PARVA: variants seen among roughly 807,000 people sequenced by gnomAD.
PARVA encodes parvin alpha.
In PARVA, 25 loss-of-function variants were observed where a neutral mutation model predicts 52.6. That is an observed-to-expected ratio of 0.48 (90% CI 0.35 to 0.66). PARVA has a LOEUF of 0.66. Among genes scored for constraint, PARVA ranks in the 30% least tolerant of loss-of-function variants. The pLI, the probability that PARVA is intolerant of heterozygous loss-of-function variation, is 0.01. For missense variants in PARVA, 373 were observed against 450.9 expected, an observed-to-expected ratio of 0.83 and a Z score of 1.56; for synonymous variants, 185 against 179.1, an observed-to-expected ratio of 1.03 and a Z score of -0.26.
At chr11:12,377,989 G>A (rs1939427719) in intron 1 of PARVA, among the ~76,000 whole-genome samples, 1 of 148,280 alleles carries the variant, frequency 6.7e-6, no homozygotes, top group African/African-American at 2.4e-5. Context: ...GGGCCATCGA[G>A]GCCACCCCGC....
At position 12,533,808 on chromosome 11, in the gene PARVA, CGGAGGA is replaced by C. The variant is rs1554904930; in HGVS notation, c.*5903_*5908del. 3.3e-5 allele frequency among the ~76,000 whole-genome samples: 5 copies of C among 150,164 alleles called. No homozygotes were observed. Among genetic ancestry groups the C allele is most frequent in the South Asian group, 2.1e-4 (1 of 4,698 alleles). ...CCTCATGGTCATCACATTGAGTAGG[CGGAGGA>C]GGAGGAGGAGGAGGAGGAGTAGGGG... On this transcript the variant is annotated 3_prime_UTR_variant, in exon 13 of 13. Coordinates refer to ENST00000334956, the MANE Select transcript of PARVA (RefSeq NM_018222.5).
intron 1 of PARVA, among the ~76,000 whole-genome samples, chr11:12,378,128 G>C (rs147243337): frequency 6.6e-6 from 1 of 151,720 alleles, no homozygotes; most frequent in Non-Finnish European, 1.5e-5. Context: ...GCCCCAGCCC[G>C]CAGACAGTGC....
chr11:12,497,308 G>C (rs891660265), intron 5 of PARVA, among the ~76,000 whole-genome samples: 2 of 152,138 alleles, frequency 1.3e-5, no homozygotes, highest in Admixed American at 6.5e-5. Context: ...TATTGTAATA[G>C]ATAAAAATAT....
At chr11:12,447,488 A>G (rs1240832184) in intron 1 of PARVA, among the ~76,000 whole-genome samples, 1 of 152,172 alleles carries the variant, frequency 6.6e-6, no homozygotes, top group Non-Finnish European at 1.5e-5. Context: ...CCCAGTCAGT[A>G]TGGGTGCATT....
intron 4 of PARVA, among the ~76,000 whole-genome samples, chr11:12,490,528 A>AAAG (rs1564860865): frequency 6.7e-6 from 1 of 149,376 alleles, no homozygotes. Flanking sequence ...AAAAAAAAAA[A>AAAG]AGAGAGAGAG....
intron 1 of PARVA, among the ~76,000 whole-genome samples, chr11:12,409,920 C>T (rs1359277834): frequency 6.6e-6 from 1 of 152,240 alleles, no homozygotes; most frequent in East Asian, 1.9e-4. Context: ...TTCTTGAGTT[C>T]ACTGCCTATT....
At chr11:12,467,111 A>G (rs1233643549) in intron 1 of PARVA, among the ~76,000 whole-genome samples, 2 of 152,176 alleles carry the variant, frequency 1.3e-5, no homozygotes, top group Admixed American at 1.3e-4. Flanking sequence ...ATACCCAAGT[A>G]TTGCATTTTT....
rs182564642 is a variant in PARVA at position 12,424,879 on chromosome 11, A to G, written c.136+47096A>G. Among the ~76,000 whole-genome samples the G allele has an allele frequency of 2.7e-3, 407 of 152,192 alleles. 2 individuals are homozygous for G. The highest frequency in any genetic ancestry group is 0.014 in the Middle Eastern group (4 of 294). ...TTTGAACTACCCTAATCATTTCCCTATGTGCTAGCTCTGTCTTTGTAGGAT... is the reference window on the plus strand; with the variant it reads ...TTTGAACTACCCTAATCATTTCCCTGTGTGCTAGCTCTGTCTTTGTAGGAT... On this transcript the variant is annotated intron_variant, in intron 1 of 12. Coordinates refer to ENST00000334956, the MANE Select transcript of PARVA (RefSeq NM_018222.5).
intron 1 of PARVA, among the ~76,000 whole-genome samples, chr11:12,416,355 G>A (rs778614109): frequency 5.3e-5 from 8 of 152,134 alleles, no homozygotes; most frequent in Non-Finnish European, 1.0e-4. Flanking sequence ...TGTCCCTAGC[G>A]GTAGAACAGC....
At chr11:12,428,617 A>G (rs1369342822) in intron 1 of PARVA, among the ~76,000 whole-genome samples, 1 of 152,182 alleles carries the variant, frequency 6.6e-6, no homozygotes, top group South Asian at 2.1e-4. Context: ...TGGCATTACC[A>G]TCATCTCCAT....
At chr11:12,517,303 A>ACCCC (rs1564869136) in intron 10 of PARVA, among the ~76,000 whole-genome samples, 1 of 112,484 alleles carries the variant, frequency 8.9e-6, no homozygotes, top group Non-Finnish European at 1.8e-5. Context: ...AGCCACACTG[A>ACCCC]CCACCCCCCA....
chr11:12,436,533 A>C (rs998595420), intron 1 of PARVA, among the ~76,000 whole-genome samples: 1 of 152,192 alleles, frequency 6.6e-6, no homozygotes, highest in Non-Finnish European at 1.5e-5. Flanking sequence ...TGCCTGTATA[A>C]AGTGAGTAAT....
At chr11:12,484,504 GGTGTGTGT>G (rs35501237) in intron 4 of PARVA, among the ~76,000 whole-genome samples, 7,815 of 144,616 alleles carry the variant, frequency 0.054, 235 homozygotes, top group Middle Eastern at 0.1. Context: ...GTTTTGTTTT[GGTGTGTGT>G]GTGTGTGTGT....
At chr11:12,516,820 T>G (rs7932845) in intron 10 of PARVA, among the ~76,000 whole-genome samples, 19,155 of 152,198 alleles carry the variant, frequency 0.13, 1,347 homozygotes, top group Admixed American at 0.21. Context: ...ACCATCCCTG[T>G]TTTACAGATA....
chr11:12,415,004 C>T (rs958240940), intron 1 of PARVA, among the ~76,000 whole-genome samples: 1 of 152,188 alleles, frequency 6.6e-6, no homozygotes, highest in Non-Finnish European at 1.5e-5. Flanking sequence ...GTGGACCTAG[C>T]GTCGGCTGTC....
At chr11:12,499,199 C>A (rs1941335985) in intron 5 of PARVA, among the ~76,000 whole-genome samples, 1 of 152,154 alleles carries the variant, frequency 6.6e-6, no homozygotes, top group Admixed American at 6.5e-5. Flanking sequence ...GTGGCTAGCT[C>A]CCTGTGATGC....
chr11:12,376,698 CAGA>C (rs1939393823), upstream of PARVA: 8 of 982,540 alleles, frequency 8.1e-6, no homozygotes, highest in Non-Finnish European at 9.7e-6. Context: ...GAGAGACAGA[CAGA>C]AGGACAAAGA....
At chr11:12,508,902 G>C (rs1371794288) in intron 7 of PARVA, among the ~76,000 whole-genome samples, 1 of 152,030 alleles carries the variant, frequency 6.6e-6, no homozygotes, top group South Asian at 2.1e-4. Flanking sequence ...CCAGGAAAAA[G>C]TGTGCCCAAA....
At chr11:12,432,939 A>G (rs890605373) in intron 1 of PARVA, among the ~76,000 whole-genome samples, 5 of 152,222 alleles carry the variant, frequency 3.3e-5, no homozygotes, top group African/African-American at 1.2e-4. Flanking sequence ...TAGCCGTGGT[A>G]CTGAAAGATG....
Sources: gnomAD v4.1 joint callset for allele counts (sites outside exome capture counted in the v4.1 genomes callset) on GRCh38, gnomAD v4.1.1 for gene constraint, MANE v1.5 for transcripts, NCBI Gene and HGNC (gene_info 2026-07-23, HGNC 2026-07-21) for gene names.